The following WWOX variants were observed in gnomAD, a reference collection of about 807,000 sequenced individuals.
WWOX encodes the protein WW domain containing oxidoreductase.
WWOX carries 69 observed loss-of-function variants against 46.2 expected under a neutral mutation model. The observed-to-expected ratio is 1.49, with a 90% CI of 1.23 to 1.82. The LOEUF (loss-of-function observed/expected upper bound fraction) is 1.82, where lower values mean the gene tolerates loss of function less well. Ranked by LOEUF, WWOX falls within the 40% of genes most tolerant of loss-of-function variation. WWOX has a pLI of 0.00. For synonymous variants in WWOX, 359 were observed against 202.6 expected (o/e 1.77, Z -6.56); for missense variants, 919 against 542.6 (o/e 1.69, Z -6.89).
chr16:79,132,642 G>C (rs2049904002), intron 8 of WWOX, among the ~76,000 whole-genome samples: 1 of 151,900 alleles, frequency 6.6e-6, no homozygotes, highest in Non-Finnish European at 1.5e-5. Context: ...TTTAAAACAA[G>C]AATAAATCCC....
intron 8 of WWOX, among the ~76,000 whole-genome samples, chr16:78,593,334 C>T (rs2045396028): frequency 6.6e-6 from 1 of 152,182 alleles, no homozygotes. Context: ...AACCACCATC[C>T]CTGGCCTTGA....
At chr16:79,024,419 C>T (rs2047595855) in intron 8 of WWOX, among the ~76,000 whole-genome samples, 2 of 151,988 alleles carry the variant, frequency 1.3e-5, no homozygotes, top group Admixed American at 6.6e-5. Flanking sequence ...CTACCGTGCC[C>T]AGCTGATTTT....
intron 5 of WWOX, among the ~76,000 whole-genome samples, chr16:78,374,708 C>T (rs779139286): frequency 5.3e-5 from 8 of 152,052 alleles, no homozygotes; most frequent in Non-Finnish European, 1.0e-4. Flanking sequence ...GCCACCAGGC[C>T]TGGCTAATTT....
At chr16:79,100,431 G>A (rs898124220) in intron 8 of WWOX, among the ~76,000 whole-genome samples, 4 of 151,960 alleles carry the variant, frequency 2.6e-5, no homozygotes, top group African/African-American at 9.7e-5. Context: ...TCTTTAAGTG[G>A]CCTTTATTAC....
chr16:78,441,073 G>C (rs754226927), intron 8 of WWOX, among the ~76,000 whole-genome samples: 1 of 152,144 alleles, frequency 6.6e-6, no homozygotes, highest in Non-Finnish European at 1.5e-5. Flanking sequence ...CTCCTGAGTA[G>C]CTGAGATTAC....
At chr16:78,214,058 A>G (rs1187789622) in intron 5 of WWOX, among the ~76,000 whole-genome samples, 2 of 152,152 alleles carry the variant, frequency 1.3e-5, no homozygotes, top group Admixed American at 6.5e-5. Context: ...CACCTGGCCC[A>G]TCAGACTTAC....
chr16:78,705,655 C>T (rs375784473), intron 8 of WWOX, among the ~76,000 whole-genome samples: 2 of 152,104 alleles, frequency 1.3e-5, no homozygotes, highest in Admixed American at 6.5e-5. Context: ...TGTATGATCA[C>T]CCATGTAAAA....
At chr16:79,115,218 C>G (rs1218181291) in intron 8 of WWOX, among the ~76,000 whole-genome samples, 1 of 152,212 alleles carries the variant, frequency 6.6e-6, no homozygotes, top group Non-Finnish European at 1.5e-5. Flanking sequence ...TTGCCCTTTA[C>G]TTGGCTGGAA....
intron 8 of WWOX, among the ~76,000 whole-genome samples, chr16:78,537,513 A>T (rs939463007): frequency 1.3e-5 from 2 of 152,092 alleles, no homozygotes; most frequent in African/African-American, 4.8e-5. Context: ...TTATCATATG[A>T]TTTACCTCTT....
intron 8 of WWOX, among the ~76,000 whole-genome samples, chr16:78,677,680 A>T (rs182001042): frequency 3.3e-5 from 5 of 152,128 alleles, no homozygotes; most frequent in African/African-American, 1.2e-4. Flanking sequence ...TCTGGTCTCT[A>T]TCTTATCTCT....
intron 8 of WWOX, among the ~76,000 whole-genome samples, chr16:78,603,661 T>C (rs2045677634): frequency 6.6e-6 from 1 of 152,102 alleles, no homozygotes; most frequent in Non-Finnish European, 1.5e-5. Flanking sequence ...GCCACTGCAC[T>C]CCAACCTGGG....
chr16:79,170,123 G>C (rs754108464), intron 8 of WWOX, among the ~76,000 whole-genome samples: 38 of 152,120 alleles, frequency 2.5e-4, no homozygotes, highest in Non-Finnish European at 2.6e-4. Flanking sequence ...ATCATCTCTG[G>C]AAAAGTTGCT....
chr16:79,198,705 C>T (rs1164854633), intron 8 of WWOX, among the ~76,000 whole-genome samples: 1 of 152,208 alleles, frequency 6.6e-6, no homozygotes, highest in Admixed American at 6.5e-5. Flanking sequence ...TGACCTGGGG[C>T]AGGTTGCTTA....
At chr16:78,564,232 A>T (rs1481801478) in intron 8 of WWOX, among the ~76,000 whole-genome samples, 2 of 152,250 alleles carry the variant, frequency 1.3e-5, no homozygotes, top group Admixed American at 1.3e-4. Flanking sequence ...TTCATTGCAC[A>T]GCAAAATTGA....
intron 6 of WWOX, among the ~76,000 whole-genome samples, chr16:78,397,450 C>T (rs1205650884): frequency 7.2e-5 from 11 of 152,102 alleles, no homozygotes; most frequent in Admixed American, 6.6e-4. Flanking sequence ...AATGATTAAC[C>T]ACATTTTACA....
chr16:78,291,862 C>A (rs1329032567), intron 5 of WWOX, among the ~76,000 whole-genome samples: 5 of 151,530 alleles, frequency 3.3e-5, no homozygotes, highest in Admixed American at 3.3e-4. Flanking sequence ...GTCTGATGGC[C>A]GCCAGCTGAG....
chr16:78,722,141 G>A (rs2048707159), intron 8 of WWOX, among the ~76,000 whole-genome samples: 1 of 152,182 alleles, frequency 6.6e-6, no homozygotes, highest in Non-Finnish European at 1.5e-5. Flanking sequence ...AGGAGACCAA[G>A]GAAATGACCA....
At chr16:78,330,913 C>G (rs1025240743) in intron 5 of WWOX, among the ~76,000 whole-genome samples, 1 of 152,162 alleles carries the variant, frequency 6.6e-6, no homozygotes, top group Non-Finnish European at 1.5e-5. Flanking sequence ...TACAGTTAGT[C>G]TCTCCACTTT....
chr16:78,199,012 G>A (rs187457554), intron 5 of WWOX, among the ~76,000 whole-genome samples: 244 of 151,914 alleles, frequency 1.6e-3, no homozygotes, highest in Admixed American at 3.2e-3. Context: ...CCTTATCATG[G>A]TCCATAACAT....
Sources: gnomAD v4.1 joint callset for allele counts (sites outside exome capture counted in the v4.1 genomes callset) on GRCh38, gnomAD v4.1.1 for gene constraint, MANE v1.5 for transcripts, NCBI Gene and HGNC (gene_info 2026-07-23, HGNC 2026-07-21) for gene names.